Variants in SERPINC1 observed in about 807,000 individuals in gnomAD.
SERPINC1 encodes the protein serpin family C member 1.
A neutral mutation model predicts 43.4 loss-of-function variants in SERPINC1; 12 were observed. That is an observed-to-expected ratio of 0.28 (90% CI 0.18 to 0.45). The LOEUF (loss-of-function observed/expected upper bound fraction) is 0.45, where lower values mean the gene tolerates loss of function less well. SERPINC1 is among the 20% of genes least tolerant of loss of function. The probability of loss-of-function intolerance (pLI) is 1.00; values close to 1 mark genes in which losing one functional copy is unlikely to be tolerated. For missense variants in SERPINC1, 423 were observed against 578.8 expected (o/e 0.73, Z 2.76); for synonymous variants, 210 against 218.9 (o/e 0.96, Z 0.36).
intron 3 of SERPINC1, 68 bp downstream of exon 3, chr1:173,911,731 T>C: frequency 1.5e-6 from 2 of 1,292,604 alleles, no homozygotes; most frequent in Admixed American, 1.7e-5. Flanking sequence ...GGATGCTGTT[T>C]CTCCACCTCC....
intron 3 of SERPINC1, 134 bp from the exon 4 acceptor site, chr1:173,911,025 C>A: frequency 2.1e-6 from 2 of 964,746 alleles, no homozygotes; most frequent in South Asian, 2.6e-5. Context: ...ATTGCTCTAA[C>A]CCAAATTGGG....
intron 3 of SERPINC1, 41 bp downstream of exon 3, chr1:173,911,758 G>A: frequency 6.8e-7 from 1 of 1,463,846 alleles, no homozygotes; most frequent in Non-Finnish European, 9.6e-7. Context: ...TCTGAGTGGA[G>A]AGGAAGAACT....
At chr1:173,907,054 G>A (rs967746185) in intron 6 of SERPINC1, among the ~76,000 whole-genome samples, 8 of 151,898 alleles carry the variant, frequency 5.3e-5, no homozygotes, top group Non-Finnish European at 1.0e-4. Context: ...GGAGGCAGAA[G>A]TTGTAGTGAG....
intron 6 of SERPINC1, among the ~76,000 whole-genome samples, chr1:173,907,097 G>A (rs1018258890): frequency 2.0e-5 from 3 of 150,900 alleles, no homozygotes; most frequent in Admixed American, 6.6e-5. Flanking sequence ...CCTGGGCAAC[G>A]AGCGAACGAA....
rs1572088503 is a variant in SERPINC1, at chr1:173,909,691, C to T, written c.1014G>A (p.Glu338=). Residue 338 remains glutamate, a synonymous_variant, in exon 5 of 7, where the codon GAG becomes GAA. Coordinates refer to ENST00000367698, the MANE Select transcript of SERPINC1 (RefSeq NM_000488.4). ...EKELTPEVLQ[E]WLDELEEMML... ...TCATCTCCTCCAATTCATCCAGCCA[C>T]TCTTGCAGCACCTCTGGGGTGAGTT... 3 of 1,614,106 alleles carry T rather than the reference C, an allele frequency of 1.9e-6. No homozygotes were observed. Among genetic ancestry groups the T allele is most frequent in the East Asian group, 2.2e-5 (1 of 44,858 alleles).
chr1:173,904,096 T>G, intron 6 of SERPINC1, 31 bp from the exon 7 acceptor site: 1 of 1,606,202 alleles, frequency 6.2e-7, no homozygotes, highest in South Asian at 1.1e-5. Context: ...AAAACTAAAT[T>G]AGCCACTCTG....
chr1:173,911,178 A>C (rs1289250183), intron 3 of SERPINC1, among the ~76,000 whole-genome samples: 1 of 152,280 alleles, frequency 6.6e-6, no homozygotes, highest in Admixed American at 6.5e-5. Context: ...AAGATAAAAT[A>C]TTATTTTCTC....
chr1:173,910,032 T>C (rs1657701775), intron 4 of SERPINC1, 90 bp from the exon 5 acceptor site: 1 of 1,301,798 alleles, frequency 7.7e-7, no homozygotes, highest in African/African-American at 1.5e-5. Flanking sequence ...GTTACATTAA[T>C]ATATAATTAT....
intron 4 of SERPINC1, among the ~76,000 whole-genome samples, chr1:173,910,434 A>G (rs1657720147): frequency 6.6e-6 from 1 of 152,058 alleles, no homozygotes; most frequent in African/African-American, 2.4e-5. Flanking sequence ...CCAAAAAATT[A>G]GCCAGGCATG....
intron 2 of SERPINC1, among the ~76,000 whole-genome samples, chr1:173,912,270 TC>T (rs948978876): frequency 8.5e-5 from 13 of 152,166 alleles, no homozygotes; most frequent in Admixed American, 7.9e-4. Flanking sequence ...CGCCTCTAGA[TC>T]AACACACAGA....
At chr1:173,915,759 C>A (rs1254869015) in intron 1 of SERPINC1, among the ~76,000 whole-genome samples, 1 of 152,222 alleles carries the variant, frequency 6.6e-6, no homozygotes, top group Non-Finnish European at 1.5e-5. Flanking sequence ...CTAGCTCCAG[C>A]CCTAACCCTT....
intron 4 of SERPINC1, 52 bp from the exon 5 acceptor site, chr1:173,909,994 T>C (rs770036367): frequency 2.6e-5 from 41 of 1,564,984 alleles, no homozygotes; most frequent in East Asian, 4.5e-5. Flanking sequence ...AGGATAGTTA[T>C]TGACACAAGA....
At chr1:173,909,198 G>A (rs556664219) in intron 5 of SERPINC1, among the ~76,000 whole-genome samples, 127 of 150,560 alleles carry the variant, frequency 8.4e-4, no homozygotes, top group African/African-American at 3.0e-3. Flanking sequence ...TGTCAGTGAG[G>A]CCTGTGTAAT....
chr1:173,906,722 A>ATTC (rs1657532842), intron 6 of SERPINC1, among the ~76,000 whole-genome samples: 1 of 151,086 alleles, frequency 6.6e-6, no homozygotes, highest in African/African-American at 2.4e-5. Flanking sequence ...GGCTCAAGTG[A>ATTC]TTCTTCCATC....
In SERPINC1 at chr1:173,906,465, C is replaced by A. The variant is rs150335208; in HGVS notation, c.1218+985G>T. Among the ~76,000 whole-genome samples, 288 of 152,266 alleles carry A rather than the reference C, an allele frequency of 1.9e-3. 1 individual carries two copies. Among genetic ancestry groups the A allele is most frequent in the African/African-American group, 6.5e-3 (270 of 41,540 alleles). ...ATATGCATTTATTTGACCACCTTTT[C>A]GTTTCCTCCAGTGTAGTCTAGTGCT... On this transcript the variant is annotated intron_variant, in intron 6 of 6. Transcript: ENST00000367698.
chr1:173,904,428 C>G (rs553705058), intron 6 of SERPINC1, among the ~76,000 whole-genome samples: 1 of 152,200 alleles, frequency 6.6e-6, no homozygotes, highest in African/African-American at 2.4e-5. Flanking sequence ...GATCTGAACT[C>G]CATAGTTGAA....
chr1:173,909,521 G>C, intron 5 of SERPINC1, 31 bp downstream of exon 5: 1 of 1,611,266 alleles, frequency 6.2e-7, no homozygotes, highest in Non-Finnish European at 8.5e-7. Context: ...CTTGCGGGTG[G>C]AGAAGGGAGG....
Position 173,914,620 on chromosome 1 carries a change from C to A in SERPINC1, c.341G>T (p.Ser114Ile). The A allele has an allele frequency of 6.2e-7, 1 of 1,614,204 alleles. No homozygotes were observed. Among genetic ancestry groups the A allele is most frequent in the African/African-American group, 1.3e-5 (1 of 75,040 alleles). ...DNDNIFLSPL[S>I]ISTAFAMTKL... ...GGTCATAGCAAAAGCCGTGGAGATA[C>A]TCAGGGGTGACAGGAAAATGTTATC... The change falls in exon 2 of 7, where the codon AGT (serine) becomes ATT (isoleucine). Residue 114 changes from serine (S) to isoleucine (I), a missense_variant. By Grantham distance (142) the Ser-to-Ile change is moderately radical (BLOSUM62 -2). Coordinates refer to ENST00000367698, the MANE Select transcript of SERPINC1 (RefSeq NM_000488.4).
In SERPINC1 at chr1:173,909,650, A is replaced by G; in HGVS notation, c.1055T>C (p.Met352Thr). The change falls in exon 5 of 7, where the codon ATG becomes ACG. Residue 352 changes from methionine (M) to threonine (T), a missense_variant. By Grantham distance (81) the Met-to-Thr change is moderately conservative (BLOSUM62 -1). Coordinates refer to ENST00000367698, the MANE Select transcript of SERPINC1 (RefSeq NM_000488.4). The part of the protein sequence containing the change: ...ELEEMMLVVH[M>T]PRFRIEDGFS... ...GCCGTCCTCAATGCGGAAGCGGGGC[A>G]TGTGGACCACCAGCATCATCTCCTC... 2 of 1,613,854 alleles carry G rather than the reference A, an allele frequency of 1.2e-6. No individual in the cohort carries two copies. The highest frequency in any genetic ancestry group is 1.7e-6 in the Non-Finnish European group (2 of 1,179,750).
Sources: gnomAD v4.1 joint callset for allele counts (sites outside exome capture counted in the v4.1 genomes callset) on GRCh38, gnomAD v4.1.1 for gene constraint, MANE v1.5 for transcripts, NCBI Gene and HGNC (gene_info 2026-07-23, HGNC 2026-07-21) for gene names.